Variants in CPVL observed in about 807,000 individuals in gnomAD.
The protein encoded by CPVL is probable serine carboxypeptidase CPVL.
Under a neutral mutation model 63.7 loss-of-function variants are expected in CPVL, and 51 were observed. That is an observed-to-expected ratio of 0.80 (90% CI 0.64 to 1.01). CPVL has a LOEUF of 1.01. Ranked by LOEUF, CPVL falls within the 50% of genes least tolerant of loss-of-function variation. The pLI is 0.00. For missense variants in CPVL, 530 were observed against 573.1 expected (o/e 0.92, Z 0.77); for synonymous variants, 195 against 206.0 (o/e 0.95, Z 0.46).
intron 11 of CPVL, among the ~76,000 whole-genome samples, chr7:29,031,809 T>C (rs916810371): frequency 4.6e-5 from 7 of 152,186 alleles, no homozygotes; most frequent in Non-Finnish European, 1.0e-4. Context: ...AAATGTTTCA[T>C]TGAACCATGA....
At chr7:29,104,324 C>T (rs947287268) in intron 3 of CPVL, among the ~76,000 whole-genome samples, 6 of 152,134 alleles carry the variant, frequency 3.9e-5, no homozygotes, top group African/African-American at 1.2e-4. Flanking sequence ...TGCAATGGCA[C>T]GACTTGGCTC....
In CPVL at chr7:29,058,696, A is replaced by C. The variant is rs182583015; in HGVS notation, c.1137+5365T>G. Among the ~76,000 whole-genome samples the C allele has an allele frequency of 1.4e-3, 207 of 152,232 alleles. 1 individual carries two copies. The highest frequency in any genetic ancestry group is 4.2e-3 in the African/African-American group (173 of 41,576). On this transcript the variant is annotated intron_variant, in intron 11 of 12. Coordinates refer to ENST00000265394, the MANE Select transcript of CPVL (RefSeq NM_031311.5). ...CTAAGTTGGTGGGTTTTATTCTCTC[A>C]ACACTTTAAATATTTCACTCCATGC... is the stretch of plus-strand genomic sequence containing the variant.
intron 7 of CPVL, among the ~76,000 whole-genome samples, chr7:29,074,265 T>C (rs1001711608): frequency 6.6e-6 from 1 of 152,220 alleles, no homozygotes; most frequent in Non-Finnish European, 1.5e-5. Flanking sequence ...AGGTAAAGTA[T>C]TGAATCAAAG....
At chr7:29,006,823 G>A (rs923101103) in intron 12 of CPVL, among the ~76,000 whole-genome samples, 2 of 152,150 alleles carry the variant, frequency 1.3e-5, no homozygotes, top group Non-Finnish European at 2.9e-5. Context: ...CAAAAATACT[G>A]CATTAGTCTA....
At chr7:29,039,113 T>C (rs1788819770) in intron 11 of CPVL, among the ~76,000 whole-genome samples, 1 of 152,226 alleles carries the variant, frequency 6.6e-6, no homozygotes, top group Non-Finnish European at 1.5e-5. Flanking sequence ...AAGTTTTCCT[T>C]AGAAGAGGGG....
intron 12 of CPVL, among the ~76,000 whole-genome samples, chr7:29,023,456 C>T (rs1032784065): frequency 6.6e-6 from 1 of 152,104 alleles, no homozygotes; most frequent in African/African-American, 2.4e-5. Flanking sequence ...TCAATTACCT[C>T]CCACCGGGTC....
intron 1 of CPVL, among the ~76,000 whole-genome samples, chr7:29,143,815 C>G (rs1355327425): frequency 6.6e-6 from 1 of 152,208 alleles, no homozygotes; most frequent in Middle Eastern, 3.2e-3. Context: ...CCCTCTTTCA[C>G]TACCACCACC....
chr7:29,097,124 A>C (rs1786517393), intron 3 of CPVL, among the ~76,000 whole-genome samples: 1 of 152,168 alleles, frequency 6.6e-6, no homozygotes, highest in East Asian at 1.9e-4. Flanking sequence ...AACCCTGAAC[A>C]AGGTACAGAT....
chr7:29,168,545 C>T (rs1796196360), intron 5 of CPVL, among the ~76,000 whole-genome samples: 1 of 152,124 alleles, frequency 6.6e-6, no homozygotes, highest in African/African-American at 2.4e-5. Context: ...TGCCAGACAT[C>T]CTATAGTTTC....
rs117331828 is a variant in CPVL, at chr7:29,093,607, C to T, written c.463-905G>A. 6.0e-3 allele frequency among the ~76,000 whole-genome samples: 908 copies of T among 152,208 alleles called. 6 individuals are homozygous for T. Among genetic ancestry groups the T allele is most frequent in the Non-Finnish European group, 9.9e-3 (673 of 68,004 alleles). ...TTAGAACCTAGAAGTTCACAGACAA[C>T]TGAACTGCAAATTCAAAAGAAACTG... On this transcript the variant is annotated intron_variant, in intron 5 of 12. Coordinates refer to ENST00000265394, the MANE Select transcript of CPVL (RefSeq NM_031311.5).
At chr7:28,996,044 G>A (rs1784022958) in intron 12 of CPVL, 162 bp from the exon 13 acceptor site, 1 of 506,918 alleles carries the variant, frequency 2.0e-6, no homozygotes. Flanking sequence ...GGCTGTTGAT[G>A]GCTTTTGTAA....
At chr7:29,180,905 G>A (rs1471272162) in intron 5 of CPVL, among the ~76,000 whole-genome samples, 1 of 152,190 alleles carries the variant, frequency 6.6e-6, no homozygotes, top group Non-Finnish European at 1.5e-5. Context: ...ATTGAAAAGA[G>A]TACGTAAGAT....
chr7:29,080,963 C>G (rs975370983), intron 7 of CPVL, among the ~76,000 whole-genome samples: 1 of 152,224 alleles, frequency 6.6e-6, no homozygotes, highest in Non-Finnish European at 1.5e-5. Context: ...GTTTTAACCA[C>G]ATGCCCTGCT....
At chr7:29,127,878 T>A (rs1416280716) in intron 1 of CPVL, 2 of 152,222 alleles carry the variant, frequency 1.3e-5, no homozygotes, top group African/African-American at 4.8e-5. Flanking sequence ...CAACTGTCCC[T>A]AAACACACAT....
At chr7:29,165,731 T>C (rs1240866058) in intron 5 of CPVL, among the ~76,000 whole-genome samples, 1 of 152,216 alleles carries the variant, frequency 6.6e-6, no homozygotes, top group African/African-American at 2.4e-5. Flanking sequence ...TTTTCTTTTT[T>C]AAATTTTTTC....
At chr7:29,093,198 GA>G (rs1052601561) in intron 5 of CPVL, among the ~76,000 whole-genome samples, 16 of 151,660 alleles carry the variant, frequency 1.1e-4, no homozygotes, top group Admixed American at 1.1e-3. Flanking sequence ...CCAGCCTGGC[GA>G]AACCCCGTTT....
At chr7:29,175,167 T>G (rs535022683) in intron 5 of CPVL, among the ~76,000 whole-genome samples, 14 of 150,306 alleles carry the variant, frequency 9.3e-5, no homozygotes, top group Admixed American at 4.0e-4. Context: ...TGATGATTTC[T>G]TTTTCTTTTT....
chr7:29,152,406 G>C (rs1793717592), intron 5 of CPVL, among the ~76,000 whole-genome samples: 1 of 152,108 alleles, frequency 6.6e-6, no homozygotes, highest in Admixed American at 6.5e-5. Flanking sequence ...AGGTCTCTTT[G>C]TTCTCTATTC....
At chr7:29,150,941 T>C (rs2128691681), upstream of CPVL, among the ~76,000 whole-genome samples, 1 of 152,132 alleles carries the variant, frequency 6.6e-6, no homozygotes, top group East Asian at 1.9e-4. Context: ...AAAACAACAC[T>C]GTGCTATTAA....
Sources: gnomAD v4.1 joint callset for allele counts (sites outside exome capture counted in the v4.1 genomes callset) on GRCh38, gnomAD v4.1.1 for gene constraint, MANE v1.5 for transcripts, NCBI Gene and HGNC (gene_info 2026-07-23, HGNC 2026-07-21) for gene names.